ZNF678: variants seen among roughly 807,000 people sequenced by gnomAD.
ZNF678 encodes the protein hypothetical protein MGC42493.
Under a neutral mutation model 3.0 loss-of-function variants are expected in ZNF678, and 5 were observed. That is an observed-to-expected ratio of 1.69 (90% CI 0.88 to 3.56). The LOEUF (loss-of-function observed/expected upper bound fraction) is 3.56. Among genes scored for constraint, ZNF678 ranks in the 30% most tolerant of loss-of-function variants. The probability of loss-of-function intolerance (pLI) is 0.00; values close to 1 mark genes in which losing one functional copy is unlikely to be tolerated. For missense variants in ZNF678, 593 were observed against 605.0 expected, an observed-to-expected ratio of 0.98 and a Z score of 0.21; for synonymous variants, 218 against 199.6, an observed-to-expected ratio of 1.09 and a Z score of -0.78.
At chr1:227,614,288 G>T (rs754935660) in intron 1 of ZNF678, among the ~76,000 whole-genome samples, 4 of 152,010 alleles carry the variant, frequency 2.6e-5, no homozygotes, top group Non-Finnish European at 5.9e-5. Flanking sequence ...CTGCTTTATT[G>T]CCAGAATTCT....
rs114902784 is a variant in ZNF678, at chr1:227,621,267, C to A, written c.-163-25277C>A. Among the ~76,000 whole-genome samples, 618 of 152,312 alleles carry A rather than the reference C, an allele frequency of 4.1e-3. 6 individuals carry two copies. Among genetic ancestry groups the A allele is most frequent in the African/African-American group, 0.014 (587 of 41,576 alleles). ...CCTTAAAAAAAAGTTTCTATTTTTT[C>A]TCATTGTTAATAAACTATGTATTCC... is the stretch of plus-strand genomic sequence containing the variant. On this transcript the variant is annotated intron_variant, in intron 1 of 3. Transcript: ENST00000343776.
intron 1 of ZNF678, among the ~76,000 whole-genome samples, chr1:227,609,273 G>A (rs1657955560): frequency 1.3e-5 from 2 of 151,908 alleles, no homozygotes; most frequent in South Asian, 2.1e-4. Flanking sequence ...AGCCATATTT[G>A]GAAAAGAACT....
chr1:227,649,190 T>C (rs1203776277), intron 2 of ZNF678, among the ~76,000 whole-genome samples: 1 of 152,268 alleles, frequency 6.6e-6, no homozygotes, highest in Non-Finnish European at 1.5e-5. Context: ...TTCTTTGAGA[T>C]ACTGATTTCA....
intron 1 of ZNF678, among the ~76,000 whole-genome samples, chr1:227,612,267 G>A (rs1195105977): frequency 6.6e-6 from 1 of 152,168 alleles, no homozygotes; most frequent in Non-Finnish European, 1.5e-5. Context: ...GGTTCTCAAA[G>A]TGAGGGCCCT....
intron 1 of ZNF678, among the ~76,000 whole-genome samples, chr1:227,634,898 G>T (rs73094561): frequency 0.011 from 1,634 of 152,124 alleles, 33 homozygotes; most frequent in African/African-American, 0.038. Flanking sequence ...GAGTGGTTCC[G>T]GCAGACTTTG....
chr1:227,580,296 C>T (rs1657092425), intron 1 of ZNF678, among the ~76,000 whole-genome samples: 1 of 152,106 alleles, frequency 6.6e-6, no homozygotes, highest in South Asian at 2.1e-4. Context: ...TACCTGGCTG[C>T]ATCTAGTTGG....
At chr1:227,621,403 G>A (rs1366831296) in intron 1 of ZNF678, among the ~76,000 whole-genome samples, 1 of 152,198 alleles carries the variant, frequency 6.6e-6, no homozygotes, top group Non-Finnish European at 1.5e-5. Flanking sequence ...GTTCAGCATG[G>A]GCAGTGACTC....
At chr1:227,629,346 T>G (rs1334296779) in intron 1 of ZNF678, among the ~76,000 whole-genome samples, 1 of 152,232 alleles carries the variant, frequency 6.6e-6, no homozygotes, top group Non-Finnish European at 1.5e-5. Flanking sequence ...GTGTTCCTTC[T>G]CCTATGTTCA....
chr1:227,621,462 A>G (rs1658278457), intron 1 of ZNF678, among the ~76,000 whole-genome samples: 1 of 152,112 alleles, frequency 6.6e-6, no homozygotes, highest in Non-Finnish European at 1.5e-5. Flanking sequence ...AAGGAAGTTC[A>G]TATATGTCTC....
Position 227,657,761 on chromosome 1 carries a change from A to G in ZNF678, c.*1933A>G, listed in dbSNP as rs1261678734. The G allele has an allele frequency of 1.3e-5, 2 of 152,040 alleles. No individual in the cohort carries two copies. Among genetic ancestry groups the G allele is most frequent in the Non-Finnish European group, 2.9e-5 (2 of 67,932 alleles). 9.4% of individuals were successfully genotyped at this position (152,040 alleles called of 1,614,324 possible). A position where few individuals can be genotyped will look rare whatever the true frequency, so the allele number is the denominator to read the frequency against. Reference sequence around the variant, plus strand: ...GTAGGTGTGTACTTTTTTGAGAAGAAAACAAAAATATTGGAACAAAATATA... The same window carrying G: ...GTAGGTGTGTACTTTTTTGAGAAGAGAACAAAAATATTGGAACAAAATATA... On this transcript the variant is annotated 3_prime_UTR_variant, in exon 4 of 4. Transcript: ENST00000343776.
intron 1 of ZNF678, among the ~76,000 whole-genome samples, chr1:227,621,963 C>CA (rs1658291180): frequency 6.6e-6 from 1 of 152,208 alleles, no homozygotes; most frequent in Admixed American, 6.5e-5. Context: ...CATCACATGA[C>CA]AGACAGCAGG....
At chr1:227,604,806 TA>T (rs1657823296) in intron 1 of ZNF678, among the ~76,000 whole-genome samples, 1 of 152,228 alleles carries the variant, frequency 6.6e-6, no homozygotes, top group Admixed American at 6.5e-5. Flanking sequence ...AATTACCTTT[TA>T]AAAAATGTGT....
rs186691271 is a variant in ZNF678 at position 227,564,794 on chromosome 1, C to T, written c.-164+1070C>T. On this transcript the variant is annotated intron_variant, in intron 1 of 3. Coordinates refer to ENST00000343776, the MANE Select transcript of ZNF678 (RefSeq NM_001367909.1). ...TAGCCCAGGCTGTAGTGCAGTGGCG[C>T]GATCTTGGCTCACTGCAACCTCTGC... is the stretch of plus-strand genomic sequence containing the variant. 1.4e-4 allele frequency among the ~76,000 whole-genome samples: 21 copies of T among 151,262 alleles called. No homozygotes were observed. The South Asian group carries it at 1.5e-3, about 11-fold the overall frequency.
intron 2 of ZNF678, among the ~76,000 whole-genome samples, chr1:227,650,234 T>G (rs1270254856): frequency 6.6e-6 from 1 of 152,222 alleles, no homozygotes; most frequent in Non-Finnish European, 1.5e-5. Context: ...TAGATATTCT[T>G]TTTGCCCAGC....
At chr1:227,663,303 T>G (rs1659445183), downstream of ZNF678, among the ~76,000 whole-genome samples, 1 of 152,122 alleles carries the variant, frequency 6.6e-6, no homozygotes, top group South Asian at 2.1e-4. Flanking sequence ...ACGACTGAAG[T>G]GGAAATAAAA....
chr1:227,597,122 G>A (rs568417291), intron 1 of ZNF678, among the ~76,000 whole-genome samples: 1 of 152,304 alleles, frequency 6.6e-6, no homozygotes, highest in African/African-American at 2.4e-5. Flanking sequence ...GATAAGCTTT[G>A]TTTCTATAGA....
intron 1 of ZNF678, among the ~76,000 whole-genome samples, chr1:227,603,145 C>T (rs113424070): frequency 1.3e-5 from 2 of 152,302 alleles, no homozygotes; most frequent in Middle Eastern, 3.4e-3. Context: ...AATGAAGTCT[C>T]AGGCTTTGTG....
At chr1:227,606,555 C>T (rs922845364) in intron 1 of ZNF678, among the ~76,000 whole-genome samples, 8 of 152,154 alleles carry the variant, frequency 5.3e-5, no homozygotes, top group East Asian at 1.9e-4. Flanking sequence ...TTATTTCAGC[C>T]GCAAAGAGGC....
In ZNF678 at chr1:227,590,055, G is replaced by A. The variant is rs190389469; in HGVS notation, c.-164+26331G>A. 9.9e-5 allele frequency among the ~76,000 whole-genome samples: 15 copies of A among 151,900 alleles called. No individual in the cohort carries two copies. The South Asian group carries it at 2.1e-3, about 21-fold the overall frequency. ...AAGCATTCTGGTGAACTAGAGTAGC[G>A]ATGAAACCTTTTACCATTTGAATGA... On this transcript the variant is annotated intron_variant, in intron 1 of 3. Transcript: ENST00000343776.
Sources: allele counts gnomAD v4.1 joint callset (sites outside exome capture counted in the v4.1 genomes callset), GRCh38; gene constraint gnomAD v4.1.1; transcripts MANE v1.5; gene names NCBI Gene and HGNC (gene_info 2026-07-23, HGNC 2026-07-21).